TBK1: variants seen among roughly 807,000 people sequenced by gnomAD.
The protein encoded by TBK1 is serine/threonine-protein kinase TBK1.
A neutral mutation model predicts 99.9 loss-of-function variants in TBK1; 37 were observed. The observed-to-expected ratio is 0.37, with a 90% confidence interval of 0.28 to 0.49. The LOEUF is 0.49. Among genes scored for constraint, TBK1 ranks in the 20% least tolerant of loss-of-function variants. TBK1 has a pLI of 0.98. For synonymous variants in TBK1, 258 were observed against 279.8 expected (o/e 0.92, Z 0.78); for missense variants, 644 against 872.5 (o/e 0.74, Z 3.30).
At chr12:64,494,317 A>T (rs933946073) in intron 13 of TBK1, among the ~76,000 whole-genome samples, 1 of 146,264 alleles carries the variant, frequency 6.8e-6, no homozygotes, top group Non-Finnish European at 1.5e-5. Flanking sequence ...AAAAAAAGAA[A>T]AAAAAGAAAA....
At chr12:64,494,300 CAAAAAAAAAAAAAGA>C (rs2040902447) in intron 13 of TBK1, among the ~76,000 whole-genome samples, 1 of 134,378 alleles carries the variant, frequency 7.4e-6, no homozygotes, top group South Asian at 2.4e-4. Context: ...CCAACTCTAC[CAAAAAAAAAAAAAGA>C]AAAAAAAGAA....
In TBK1 at chr12:64,488,625, T is replaced by A. The variant is rs1338357411; in HGVS notation, c.1442+37T>A. The A allele has an allele frequency of 3.8e-6, 5 of 1,306,904 alleles. No homozygotes were observed. The South Asian group carries it at 6.6e-5, about 17-fold the overall frequency. The allele number at this position is 1,306,904 out of a possible 1,614,324, so 81.0% of individuals were successfully genotyped here. A position where few individuals can be genotyped will look rare whatever the true frequency, so the allele number is the denominator to read the frequency against. On this transcript the variant is annotated intron_variant, in intron 12 of 20. Transcript: ENST00000331710. The stretch of plus-strand genomic sequence containing the variant: ...ACTTCCTTACTAGTAGGGGTTAAAT[T>A]ATTAAATGTTCCATTTCTATTTAAA...
intron 5 of TBK1, 49 bp downstream of exon 5, chr12:64,467,131 GTAATTA>G: frequency 7.1e-7 from 1 of 1,399,010 alleles, no homozygotes. Flanking sequence ...TTGATATATT[GTAATTA>G]TAATTGGGTA....
intron 5 of TBK1, among the ~76,000 whole-genome samples, chr12:64,472,320 T>G (rs763065782): frequency 4.0e-5 from 6 of 150,390 alleles, no homozygotes; most frequent in Non-Finnish European, 7.4e-5. Flanking sequence ...AGTCACAGAT[T>G]GCATCATTTA....
chr12:64,484,751 C>CA (rs2040802009), intron 9 of TBK1, among the ~76,000 whole-genome samples: 1 of 151,564 alleles, frequency 6.6e-6, no homozygotes. Flanking sequence ...GACCCTGTCT[C>CA]AAAAACAAAA....
intron 5 of TBK1, among the ~76,000 whole-genome samples, chr12:64,470,981 G>A (rs2040656164): frequency 6.6e-6 from 1 of 152,050 alleles, no homozygotes; most frequent in Admixed American, 6.6e-5. Flanking sequence ...TTCAGAATGG[G>A]AAATATTCAA....
At chr12:64,496,855 A>G in intron 16 of TBK1, 94 bp from the exon 17 acceptor site, 1 of 792,726 alleles carries the variant, frequency 1.3e-6, no homozygotes, top group South Asian at 2.0e-5. Context: ...CAATCATTAT[A>G]GGAAAGATAC....
At chr12:64,464,535 C>T (rs2040582856) in intron 4 of TBK1, 72 bp downstream of exon 4, 6 of 1,249,082 alleles carry the variant, frequency 4.8e-6, no homozygotes, top group Non-Finnish European at 6.4e-6. Flanking sequence ...AAATATCTTC[C>T]ATTCAAAACT....
rs551146896 is a variant in TBK1, at chr12:64,495,523, A to G, written c.1562A>G (p.Asp521Gly). Residue 521 changes from aspartate to glycine, a missense_variant, in exon 14 of 21, where the codon GAT (aspartate) becomes GGT (glycine). Around this residue, in one of 3 missense-constraint regions of TBK1, gnomAD observed 465 missense variants for 588.0 expected, o/e 0.79. Coordinates refer to ENST00000331710, the MANE Select transcript of TBK1 (RefSeq NM_013254.4). The stretch of plus-strand genomic sequence containing the variant: ...GGAACAATAGAAACCAGTCTTCAGG[A>G]TATCGACAGCAGATTATCTCCAGGT... ...SQGTIETSLQ[D>G]IDSRLSPGGS... The G allele has an allele frequency of 1.9e-6, 3 of 1,614,122 alleles. No individual in the cohort carries two copies. Among genetic ancestry groups the G allele is most frequent in the East Asian group, 2.2e-5 (1 of 44,868 alleles).
chr12:64,456,808 C>T (rs1484528724), intron 2 of TBK1, among the ~76,000 whole-genome samples: 1 of 148,160 alleles, frequency 6.7e-6, no homozygotes, highest in African/African-American at 2.5e-5. Context: ...CACCACTGCA[C>T]TCCAGCCTGG....
rs1445683374 is a variant in TBK1 at position 64,481,950 on chromosome 12, C to A, written c.921C>A (p.His307Gln). 1 of 1,609,522 alleles carries A rather than the reference C, an allele frequency of 6.2e-7. No individual in the cohort carries two copies. Among genetic ancestry groups the A allele is most frequent in the African/African-American group, 1.3e-5 (1 of 74,712 alleles). ...QFFAETSDILHRMVIHVFSLQ... is the reference protein window; with the variant it reads ...QFFAETSDILQRMVIHVFSLQ... ...TTGCAGAAACTAGTGATATACTTCA[C>A]CGAATGGTAATTCATGTTTTTTCGC... The change falls in exon 8 of 21, where the codon CAC (histidine) becomes CAA (glutamine). Residue 307 changes from histidine to glutamine, a missense_variant. This residue lies in a region of TBK1 where 465 missense variants were observed against 588.0 expected (regional missense o/e 0.79). Transcript: ENST00000331710.
chr12:64,491,220 G>A (rs796926810), intron 13 of TBK1, among the ~76,000 whole-genome samples: 2 of 152,154 alleles, frequency 1.3e-5, no homozygotes, highest in African/African-American at 4.8e-5. Context: ...ACTTAAGCAA[G>A]GCCTTTTAAT....
In TBK1 at chr12:64,464,417, C is replaced by G. The variant is rs1297977476; in HGVS notation, c.312C>G (p.Ala104=). The stretch of plus-strand genomic sequence containing the variant: ...CTGTTTTAGAAGAACCTTCTAATGC[C>G]TATGGACTACCAGAATCTGAATTCT... ...LYTVLEEPSN[A]YGLPESEFLI... Residue 104 remains alanine, a synonymous_variant, in exon 4 of 21, where the codon GCC becomes GCG. Coordinates refer to ENST00000331710, the MANE Select transcript of TBK1 (RefSeq NM_013254.4). 2 of 1,602,850 alleles carry G rather than the reference C, an allele frequency of 1.2e-6. No homozygotes were observed. Among genetic ancestry groups the G allele is most frequent in the Middle Eastern group, 1.7e-4 (1 of 6,008 alleles).
chr12:64,490,797 C>T (rs2136083195), intron 13 of TBK1, among the ~76,000 whole-genome samples: 1 of 152,008 alleles, frequency 6.6e-6, no homozygotes, highest in African/African-American at 2.4e-5. Flanking sequence ...TGGTGGGCAC[C>T]TGTAATCCCA....
intron 6 of TBK1, among the ~76,000 whole-genome samples, chr12:64,475,394 A>G (rs2040702123): frequency 6.6e-6 from 1 of 152,174 alleles, no homozygotes. Context: ...GTGGTACCGA[A>G]TAAGAAGTGT....
At chr12:64,465,016 G>A (rs530596179) in intron 4 of TBK1, among the ~76,000 whole-genome samples, 2 of 152,076 alleles carry the variant, frequency 1.3e-5, no homozygotes, top group South Asian at 4.2e-4. Context: ...AGTGGAGGCC[G>A]GCAGATTGCT....
rs200709730 is a variant in TBK1 at position 64,474,309 on chromosome 12, T to C, written c.620T>C (p.Ile207Thr). ...GGAGCAACAGTTGATCTTTGGAGCA[T>C]TGGGGTAACATTTTACCATGCAGCT... is the stretch of plus-strand genomic sequence containing the variant. ...KYGATVDLWS[I>T]GVTFYHAATG... Residue 207 changes from isoleucine (I) to threonine (T), a missense_variant, in exon 6 of 21, where the codon ATT (isoleucine) becomes ACT (threonine). This residue lies in a region of TBK1 where 31 missense variants were observed against 82.4 expected (regional missense o/e 0.38). Coordinates refer to ENST00000331710, the MANE Select transcript of TBK1 (RefSeq NM_013254.4). The C allele has an allele frequency of 2.5e-5, 41 of 1,614,036 alleles. No individual in the cohort carries two copies. The East Asian group carries it at 4.5e-4, about 18-fold the overall frequency.
In TBK1 at chr12:64,488,548, T is replaced by C. The variant is rs1275532335; in HGVS notation, c.1402T>C (p.Leu468=). The C allele has an allele frequency of 1.2e-6, 2 of 1,606,770 alleles. No individual in the cohort carries two copies. Among genetic ancestry groups the C allele is most frequent in the South Asian group, 1.1e-5 (1 of 88,610 alleles). Residue 468 remains leucine (L), a synonymous_variant, in exon 12 of 21, where the codon TTG becomes CTG. Coordinates refer to ENST00000331710, the MANE Select transcript of TBK1 (RefSeq NM_013254.4). ...VHKKTEVVIT[L]DFCIRNIEKT... ...CAAAAAGACAGAAGTTGTGATCACA[T>C]TGGATTTCTGTATCAGAAACATTGA...
chr12:64,455,125 A>C (rs1161894338), intron 1 of TBK1, among the ~76,000 whole-genome samples: 1 of 151,462 alleles, frequency 6.6e-6, no homozygotes, highest in African/African-American at 2.4e-5. Context: ...TAGCTGGGAT[A>C]CAGGCACCTG....
Sources: gnomAD v4.1 joint callset for allele counts (sites outside exome capture counted in the v4.1 genomes callset) on GRCh38, gnomAD v4.1.1 for gene constraint, gnomAD v4.1.1 regional missense constraint, MANE v1.5 for transcripts, NCBI Gene and HGNC (gene_info 2026-07-23, HGNC 2026-07-21) for gene names.